The following KCNK18 variants were observed in gnomAD, a reference collection of about 807,000 sequenced individuals.
KCNK18 encodes potassium channel subfamily K member 18.
In KCNK18, 8 loss-of-function variants were observed where a neutral mutation model predicts 11.8. The ratio of observed to expected loss-of-function variants is 0.68; its 90% confidence interval spans 0.40 to 1.22. KCNK18 has a LOEUF of 1.22. KCNK18 is among the 50% of genes most tolerant of loss of function. KCNK18 has a pLI of 0.01. For synonymous variants in KCNK18, 208 were observed against 185.8 expected, an observed-to-expected ratio of 1.12 and a Z score of -0.97; for missense variants, 442 against 465.4, an observed-to-expected ratio of 0.95 and a Z score of 0.46.
At chr10:117,202,809 C>T (rs570116195) in intron 2 of KCNK18, among the ~76,000 whole-genome samples, 4 of 151,466 alleles carry the variant, frequency 2.6e-5, no homozygotes, top group Non-Finnish European at 5.9e-5. Flanking sequence ...GTCTGCTGCA[C>T]CCAGCTTCAG....
At chr10:117,203,190 T>C (rs1332023324) in intron 2 of KCNK18, among the ~76,000 whole-genome samples, 4 of 152,118 alleles carry the variant, frequency 2.6e-5, no homozygotes, top group African/African-American at 9.7e-5. Context: ...TTCACCTGAA[T>C]GCTGATGCAG....
chr10:117,209,984 C>T lies in KCNK18; in HGVS notation c.840C>T (p.Asp280=), dbSNP rs1175474181. The T allele has an allele frequency of 1.9e-6, 3 of 1,614,048 alleles. No homozygotes were observed. Among genetic ancestry groups the T allele is most frequent in the South Asian group, 2.2e-5 (2 of 91,082 alleles). The change falls in exon 3 of 3, where the codon GAC becomes GAT. Residue 280 remains aspartate (D), a synonymous_variant. Coordinates refer to ENST00000334549, the MANE Select transcript of KCNK18 (RefSeq NM_181840.1). ...TTGGACAGCAGGTGGAGAGGTTGGACATCCCCCTCCCCATCATTGCCCTTA... is the reference window on the plus strand; with the variant it reads ...TTGGACAGCAGGTGGAGAGGTTGGATATCCCCCTCCCCATCATTGCCCTTA... ...DEVGQQVERL[D]IPLPIIALIV...
intron 1 of KCNK18, among the ~76,000 whole-genome samples, chr10:117,200,700 T>C (rs1362120938): frequency 6.6e-6 from 1 of 151,658 alleles, no homozygotes; most frequent in African/African-American, 2.4e-5. Flanking sequence ...TAGTCTCAGC[T>C]ACGCAGGAGG....
intron 2 of KCNK18, among the ~76,000 whole-genome samples, chr10:117,202,636 G>A (rs1394582166): frequency 1.3e-5 from 2 of 152,192 alleles, no homozygotes; most frequent in African/African-American, 2.4e-5. Context: ...GTCTTCCCAG[G>A]AGCCACCCAC....
chr10:117,202,885 G>GTTTTTTTTTTTTTTTTTTTTTTTTTTTT (rs750157980), intron 2 of KCNK18, among the ~76,000 whole-genome samples: 3 of 111,294 alleles, frequency 2.7e-5, no homozygotes, highest in African/African-American at 3.6e-5. Context: ...TTGCCTGAAT[G>GTTTTTTTTTTTTTTTTTTTTTTTTTTTT]CTTTTTTTTT....
intron 2 of KCNK18, among the ~76,000 whole-genome samples, chr10:117,207,257 G>A (rs2133705842): frequency 6.6e-6 from 1 of 152,240 alleles, no homozygotes; most frequent in South Asian, 2.1e-4. Flanking sequence ...TTGAACTCCT[G>A]ACCTCATATG....
intron 1 of KCNK18, 110 bp from the exon 2 acceptor site, chr10:117,201,049 A>G (rs1855008236): frequency 2.9e-6 from 4 of 1,364,366 alleles, no homozygotes; most frequent in African/African-American, 1.4e-5. Context: ...TACTGACCAC[A>G]AGGCAAAGGG....
chr10:117,209,785 T>A lies in KCNK18; in HGVS notation c.641T>A (p.Leu214His). The stretch of plus-strand genomic sequence containing the variant: ...GCTGAAGAGCTTCCAGGCCCCAAAC[T>A]TGGCACATGTCCTTCACGCCCAAGC... Reference protein sequence around the residue: ...ISAEELPGPKLGTCPSRPSCS... With the variant: ...ISAEELPGPKHGTCPSRPSCS... The change falls in exon 3 of 3, where the codon CTT (leucine) becomes CAT (histidine). Residue 214 changes from leucine to histidine, a missense_variant. Leu to His is a moderately conservative substitution (Grantham distance 99). Coordinates refer to ENST00000334549, the MANE Select transcript of KCNK18 (RefSeq NM_181840.1). 6.2e-7 allele frequency: 1 copy of A among 1,614,052 alleles called. No homozygotes were observed. The highest frequency in any genetic ancestry group is 8.5e-7 in the Non-Finnish European group (1 of 1,180,012).
In KCNK18 at chr10:117,197,516, A is replaced by T. The variant is rs67346047; in HGVS notation, c.28A>T (p.Arg10Trp). The T allele has an allele frequency of 6.2e-7, 1 of 1,613,502 alleles. No homozygotes were observed. Among genetic ancestry groups the T allele is most frequent in the East Asian group, 2.2e-5 (1 of 44,850 alleles). The change falls in exon 1 of 3, where the codon AGG (arginine) becomes TGG (tryptophan). Residue 10 changes from arginine to tryptophan, a missense_variant. Transcript: ENST00000334549. MEVSGHPQA[R>W]RCCPEALGKL... ...GGAGGTCTCGGGGCACCCCCAGGCC[A>T]GGAGATGCTGCCCAGAGGCCCTGGG...
chr10:117,205,041 A>C (rs1371193639), intron 2 of KCNK18, among the ~76,000 whole-genome samples: 1 of 152,210 alleles, frequency 6.6e-6, no homozygotes, highest in African/African-American at 2.4e-5. Flanking sequence ...GTCCATAATC[A>C]ATAACGGTGT....
rs773024059 is a variant in KCNK18, at chr10:117,210,109, C to T, written c.965C>T (p.Thr322Ile). Residue 322 changes from threonine (T) to isoleucine (I), a missense_variant, in exon 3 of 3, where the codon ACC becomes ATC. Physicochemically the swap from Thr to Ile is moderately conservative, Grantham distance 89. Transcript: ENST00000334549. ...NAFYFCFVTLTTIGFGDTVLE... is the reference protein window; with the variant it reads ...NAFYFCFVTLITIGFGDTVLE... ...TTCTATTTCTGCTTTGTCACACTCA[C>T]CACCATTGGGTTTGGGGATACTGTT... 5 of 1,614,200 alleles carry T rather than the reference C, an allele frequency of 3.1e-6. No homozygotes were observed. The Admixed American group carries it at 6.7e-5, about 22-fold the overall frequency.
rs559376330 is a variant in KCNK18 at position 117,210,022 on chromosome 10, A to G, written c.878A>G (p.Tyr293Cys). ...ATCATTGCCCTTATTGTTTTTGCCT[A>G]CATTTCCTGTGCAGCTGCCATCCTC... The part of the protein sequence containing the change: ...LPIIALIVFA[Y>C]ISCAAAILPF... Residue 293 changes from tyrosine to cysteine, a missense_variant, in exon 3 of 3, where the codon TAC (tyrosine) becomes TGC (cysteine). Transcript: ENST00000334549. The G allele has an allele frequency of 2.5e-6, 4 of 1,614,180 alleles. No individual in the cohort carries two copies. Among genetic ancestry groups the G allele is most frequent in the Non-Finnish European group, 3.4e-6 (4 of 1,180,024 alleles).
rs372754027 is a variant in KCNK18 at position 117,199,157 on chromosome 10, A to C, written c.223+1446A>C. 7.9e-5 allele frequency among the ~76,000 whole-genome samples: 12 copies of C among 152,146 alleles called. No homozygotes were observed. The East Asian group carries it at 1.7e-3, about 22-fold the overall frequency. On this transcript the variant is annotated intron_variant, in intron 1 of 2. Transcript: ENST00000334549. ...AACAAGGTGAGACCCTGTCTCTATA[A>C]AAAATTAAAAAATTTAGTCAGATGA... is the stretch of plus-strand genomic sequence containing the variant.
chr10:117,208,152 T>G (rs1855096958), intron 2 of KCNK18, among the ~76,000 whole-genome samples: 1 of 152,156 alleles, frequency 6.6e-6, no homozygotes. Flanking sequence ...GTTGGGGACC[T>G]GAGAGTCCTG....
At position 117,201,390 on chromosome 10, in the gene KCNK18, C is replaced by G. The variant is rs1307551745; in HGVS notation, c.352+103C>G. 1.5e-5 allele frequency: 18 copies of G among 1,211,320 alleles called. No homozygotes were observed. In the East Asian group the frequency reaches 3.8e-4, roughly 26 times the overall value. The allele number at this position is 1,211,320 out of a possible 1,614,324, so 75.0% of individuals were successfully genotyped here. A position where few individuals can be genotyped will look rare whatever the true frequency, so the allele number is the denominator to read the frequency against. ...GGGGTGTGGAGATGGCCCTCCTCTC[C>G]CTCTCTTCTTCCCTCCCTTCCTCAA... On this transcript the variant is annotated intron_variant, in intron 2 of 2. Coordinates refer to ENST00000334549, the MANE Select transcript of KCNK18 (RefSeq NM_181840.1).
chr10:117,207,683 TC>T (rs969854738), intron 2 of KCNK18, among the ~76,000 whole-genome samples: 1 of 152,014 alleles, frequency 6.6e-6, no homozygotes, highest in Non-Finnish European at 1.5e-5. Context: ...GAGCCACAGC[TC>T]CCTCCCCTAC....
At chr10:117,206,544 C>T (rs1006287917) in intron 2 of KCNK18, among the ~76,000 whole-genome samples, 9 of 152,120 alleles carry the variant, frequency 5.9e-5, no homozygotes, top group Non-Finnish European at 1.2e-4. Context: ...TGGGGGCTGT[C>T]ATTTTTCAGC....
chr10:117,197,584 C>A lies in KCNK18; in HGVS notation c.96C>A (p.Thr32=). The A allele has an allele frequency of 1.2e-6, 2 of 1,614,222 alleles. No homozygotes were observed. Among genetic ancestry groups the A allele is most frequent in the Non-Finnish European group, 8.5e-7 (1 of 1,180,034 alleles). The change falls in exon 1 of 3, where the codon ACC becomes ACA. Residue 32 remains threonine, a synonymous_variant. Transcript: ENST00000334549. ...TCTGCTTCCTCTGCTTTCTGGTGAC[C>A]TACGCCCTGGTGGGTGCTGTGGTCT... ...PGLCFLCFLV[T]YALVGAVVFS... is the part of the protein sequence containing the mutation.
At chr10:117,200,440 TTTTCCTAAAAGCCTTTTGC>T in intron 1 of KCNK18, among the ~76,000 whole-genome samples, 1 of 18,346 alleles carries the variant, frequency 5.5e-5, no homozygotes, top group Admixed American at 4.7e-4. Flanking sequence ...AACAGCTTGC[TTTTCCTAAAAGCCTTTTGC>T]TTTTAGTACT....
Sources: gnomAD v4.1 joint callset for allele counts (sites outside exome capture counted in the v4.1 genomes callset) on GRCh38, gnomAD v4.1.1 for gene constraint, MANE v1.5 for transcripts, NCBI Gene and HGNC (gene_info 2026-07-23, HGNC 2026-07-21) for gene names.